The following PCDHGA10 variants were observed in gnomAD, a reference collection of about 807,000 sequenced individuals.
The protein encoded by PCDHGA10 is protocadherin gamma subfamily A, 10.
PCDHGA10 carries 42 observed loss-of-function variants against 59.5 expected under a neutral mutation model. That is an observed-to-expected ratio of 0.71 (90% CI 0.55 to 0.91). The LOEUF (loss-of-function observed/expected upper bound fraction) is 0.91, where lower values mean the gene tolerates loss of function less well. Ranked by LOEUF, PCDHGA10 falls within the 40% of genes least tolerant of loss-of-function variation. The pLI is 0.00. For missense variants in PCDHGA10, 1,111 were observed against 1,198.2 expected (o/e 0.93, Z 1.07); for synonymous variants, 511 against 517.2 (o/e 0.99, Z 0.16).
chr5:141,451,358 T>C (rs537863729), intron 1 of PCDHGA10, among the ~76,000 whole-genome samples: 1 of 152,326 alleles, frequency 6.6e-6, no homozygotes, highest in African/African-American at 2.4e-5. Flanking sequence ...CAACAGAGGA[T>C]GGATCCGCTT....
Position 141,465,218 on chromosome 5 carries a change from A to G in PCDHGA10, c.2437-29589A>G, listed in dbSNP as rs151158068. ...ATAAAAATATAAGCTTTATTTTTCA[A>G]CATGAGCTCCATCAAGTTCAAGGCA... On this transcript the variant is annotated intron_variant, in intron 1 of 3. Coordinates refer to ENST00000398610, the MANE Select transcript of PCDHGA10 (RefSeq NM_018913.3). Among the ~76,000 whole-genome samples, 591 of 152,288 alleles carry G rather than the reference A, an allele frequency of 3.9e-3. 6 individuals carry two copies. The highest frequency in any genetic ancestry group is 0.011 in the Admixed American group (171 of 15,290).
chr5:141,431,411 G>A lies in PCDHGA10; in HGVS notation c.2436+15800G>A. On this transcript the variant is annotated intron_variant, in intron 1 of 3. Coordinates refer to ENST00000398610, the MANE Select transcript of PCDHGA10 (RefSeq NM_018913.3). This position sits in a 1 kb window ranked among gnomAD's most constrained non-coding sequence, Gnocchi z 4.8. ...CCTGGTCCTTACGGCCTCCGACGGG[G>A]GCGACCCGGTGCGCACAGGCACCGC... 3 of 1,613,728 alleles carry A rather than the reference G, an allele frequency of 1.9e-6. No individual in the cohort carries two copies. The highest frequency in any genetic ancestry group is 2.5e-6 in the Non-Finnish European group (3 of 1,180,038).
intron 1 of PCDHGA10, chr5:141,422,115 T>G: frequency 6.2e-7 from 1 of 1,605,004 alleles, no homozygotes; most frequent in Non-Finnish European, 8.5e-7. Context: ...TCCAATTGGA[T>G]TCACAAACTG....
rs1299162270 is a variant in PCDHGA10 at position 141,413,906 on chromosome 5, C to T, written c.731C>T (p.Pro244Leu). ...GTCTTCGATGCAAATGACAACGCGC[C>T]GGTCTTCACCTTGCCAGAATACCGA... ...VTVFDANDNA[P>L]VFTLPEYRVS... The change falls in exon 1 of 4, where the codon CCG (proline) becomes CTG (leucine). Residue 244 changes from proline (P) to leucine (L), a missense_variant. Physicochemically the swap from Pro to Leu is moderately conservative, Grantham distance 98. Transcript: ENST00000398610. The T allele has an allele frequency of 1.9e-6, 3 of 1,613,190 alleles. No homozygotes were observed. The highest frequency in any genetic ancestry group is 1.7e-6 in the Non-Finnish European group (2 of 1,179,870).
At chr5:141,433,257 G>C (rs764036349) in intron 1 of PCDHGA10, 3 of 1,385,416 alleles carry the variant, frequency 2.2e-6, no homozygotes, top group Non-Finnish European at 3.0e-6. Flanking sequence ...GCAGCGGTAC[G>C]ATCATAGCTC....
Position 141,413,286 on chromosome 5 carries a change from C to G in PCDHGA10, c.111C>G (p.Tyr37Ter). 1 of 1,613,968 alleles carries G rather than the reference C, an allele frequency of 6.2e-7. No individual in the cohort carries two copies. Among genetic ancestry groups the G allele is most frequent in the Non-Finnish European group, 8.5e-7 (1 of 1,179,910 alleles). Residue 37 changes from tyrosine to a stop codon, truncating the protein, a stop_gained, in exon 1 of 4, where the codon TAC (tyrosine) becomes TAG (stop). Coordinates refer to ENST00000398610, the MANE Select transcript of PCDHGA10 (RefSeq NM_018913.3). LOFTEE classifies it high-confidence loss of function. The stretch of plus-strand genomic sequence containing the variant: ...AGGCTGGAGCCCGGCAGATCTCCTA[C>G]TCAATTCCTGAGGAATTAGAGAAAG... ...PWEAGARQIS[Y>*]SIPEELEKGS...
chr5:141,477,031 A>G lies in PCDHGA10; in HGVS notation c.2437-17776A>G. 2 of 1,614,248 alleles carry G rather than the reference A, an allele frequency of 1.2e-6. No homozygotes were observed. The highest frequency in any genetic ancestry group is 2.2e-5 in the East Asian group (1 of 44,880). On this transcript the variant is annotated intron_variant, in intron 1 of 3. Transcript: ENST00000398610. This position sits in a 1 kb window ranked among gnomAD's most constrained non-coding sequence, Gnocchi z 4.9. ...TAGACCTTGTAACCGGGATGCTGAC[A>G]ATCAAGGGTCGGCTGGACTTCGAGG...
At chr5:141,492,448 G>T (rs2734874) in intron 1 of PCDHGA10, among the ~76,000 whole-genome samples, 50 of 152,334 alleles carry the variant, frequency 3.3e-4, no homozygotes, top group African/African-American at 1.2e-3. Context: ...GTAGCTGATT[G>T]TGCGCGCCTG....
chr5:141,451,528 G>C (rs1451101169), intron 1 of PCDHGA10, among the ~76,000 whole-genome samples: 8 of 152,210 alleles, frequency 5.3e-5, no homozygotes. Flanking sequence ...AAGTAAAGGA[G>C]AGTGCCAGAG....
chr5:141,419,447 C>T (rs754931078), intron 1 of PCDHGA10: 8 of 1,613,016 alleles, frequency 5.0e-6, no homozygotes, highest in Non-Finnish European at 4.2e-6. Flanking sequence ...CACCTTCGAG[C>T]TCACGCTGCA....
Position 141,413,404 on chromosome 5 carries a change from C to T in PCDHGA10, c.229C>T (p.Gln77Ter). The part of the protein sequence containing the change: ...GVRIVSRGRT[Q>*]LFSLNPRSGS... ...CCGCATAGTCTCCAGAGGTAGGACGCAGCTTTTCTCTCTGAACCCGCGCAG... is the reference window on the plus strand; with the variant it reads ...CCGCATAGTCTCCAGAGGTAGGACGTAGCTTTTCTCTCTGAACCCGCGCAG... The change falls in exon 1 of 4, where the codon CAG (glutamine) becomes TAG (stop). Residue 77 changes from glutamine (Q) to a stop codon, truncating the protein, a stop_gained. Transcript: ENST00000398610. LOFTEE classifies it high-confidence loss of function. 1 of 1,614,046 alleles carries T rather than the reference C, an allele frequency of 6.2e-7. No homozygotes were observed. Among genetic ancestry groups the T allele is most frequent in the Non-Finnish European group, 8.5e-7 (1 of 1,179,936 alleles).
chr5:141,469,762 A>G (rs547099941), intron 1 of PCDHGA10, among the ~76,000 whole-genome samples: 15 of 152,360 alleles, frequency 9.8e-5, no homozygotes, highest in African/African-American at 3.4e-4. Flanking sequence ...ATACATATAT[A>G]CCAGCTTATT....
intron 1 of PCDHGA10, among the ~76,000 whole-genome samples, chr5:141,488,139 T>A (rs906194527): frequency 6.6e-6 from 1 of 152,084 alleles, no homozygotes; most frequent in Non-Finnish European, 1.5e-5. Context: ...AGGAGAGAAC[T>A]AAAGGAATAG....
chr5:141,414,318 G>A lies in PCDHGA10; in HGVS notation c.1143G>A (p.Glu381=), dbSNP rs1212643655. ...TAAATGTGCATGATTTAGACTCTGA[G>A]CAGAATGGACAGGTAACCTGTTCCA... ...ALLNVHDLDS[E]QNGQVTCSIL... The change falls in exon 1 of 4, where the codon GAG becomes GAA. Residue 381 remains glutamate, a synonymous_variant. Transcript: ENST00000398610. 6.2e-7 allele frequency: 1 copy of A among 1,613,772 alleles called. No individual in the cohort carries two copies. The highest frequency in any genetic ancestry group is 8.5e-7 in the Non-Finnish European group (1 of 1,179,796).
At chr5:141,427,599 C>G (rs1233253295) in intron 1 of PCDHGA10, 1 of 682,980 alleles carries the variant, frequency 1.5e-6, no homozygotes, top group African/African-American at 1.8e-5. Flanking sequence ...CCTCACCCTA[C>G]GCATTGGTGA....
In PCDHGA10 at chr5:141,417,855, G is replaced by T. The variant is rs1436078486; in HGVS notation, c.2436+2244G>T. The T allele has an allele frequency of 2.6e-6, 4 of 1,544,916 alleles. No individual in the cohort carries two copies. In the Admixed American group the frequency reaches 8.0e-5, roughly 31 times the overall value. ...GCGGGGACCCAGCGAGAACCCGAGC[G>T]AACGATGGGAGGGAGCTGCGCGCAG... On this transcript the variant is annotated intron_variant, in intron 1 of 3. Transcript: ENST00000398610.
chr5:141,450,251 C>T (rs2154563018), intron 1 of PCDHGA10, among the ~76,000 whole-genome samples: 1 of 152,200 alleles, frequency 6.6e-6, no homozygotes. Context: ...CTCCTGACCT[C>T]AAGTGATCTG....
intron 1 of PCDHGA10, chr5:141,418,928 A>C: frequency 1.2e-6 from 2 of 1,613,978 alleles, no homozygotes; most frequent in Non-Finnish European, 1.7e-6. Flanking sequence ...TGATCAGATT[A>C]TGGAGGATTC....
At chr5:141,456,815 T>A (rs867637586) in intron 1 of PCDHGA10, among the ~76,000 whole-genome samples, 5 of 151,934 alleles carry the variant, frequency 3.3e-5, no homozygotes, top group Non-Finnish European at 7.4e-5. Flanking sequence ...ATACAAAAAA[T>A]TAGCCATCGT....
Sources: gnomAD v4.1 joint callset for allele counts (sites outside exome capture counted in the v4.1 genomes callset) on GRCh38, gnomAD v4.1.1 for gene constraint, Gnocchi (gnomAD v3.1) non-coding constraint, MANE v1.5 for transcripts, NCBI Gene and HGNC (gene_info 2026-07-23, HGNC 2026-07-21) for gene names.